The following ADAMTS19 variants were observed in gnomAD, a reference collection of about 807,000 sequenced individuals.
ADAMTS19 encodes the protein A disintegrin and metalloproteinase with thrombospondin motifs 19.
Under a neutral mutation model 153.3 loss-of-function variants are expected in ADAMTS19, and 93 were observed. The ratio of observed to expected loss-of-function variants is 0.61; its 90% CI spans 0.51 to 0.72. The LOEUF (loss-of-function observed/expected upper bound fraction) is 0.72, where lower values mean the gene tolerates loss of function less well. ADAMTS19 is among the 30% of genes least tolerant of loss of function. The pLI, the probability that ADAMTS19 is intolerant of heterozygous loss-of-function variation, is 0.00. For missense variants in ADAMTS19, 1,482 were observed against 1,552.1 expected, an observed-to-expected ratio of 0.95 and a Z score of 0.76; for synonymous variants, 600 against 556.6, an observed-to-expected ratio of 1.08 and a Z score of -1.10.
chr5:129,535,715 T>G (rs1752394570), intron 6 of ADAMTS19, among the ~76,000 whole-genome samples: 1 of 152,034 alleles, frequency 6.6e-6, no homozygotes, highest in Non-Finnish European at 1.5e-5. Flanking sequence ...GAAACAGAGA[T>G]ATAGACCAAT....
At chr5:129,538,912 A>C (rs1413819546) in intron 6 of ADAMTS19, among the ~76,000 whole-genome samples, 1 of 152,140 alleles carries the variant, frequency 6.6e-6, no homozygotes, top group African/African-American at 2.4e-5. Context: ...TAAAAGAAAC[A>C]CCTTAGTGTT....
intron 10 of ADAMTS19, among the ~76,000 whole-genome samples, chr5:129,622,804 C>G (rs963619223): frequency 3.9e-5 from 6 of 152,056 alleles, no homozygotes; most frequent in African/African-American, 1.4e-4. Context: ...TTTAAATCAT[C>G]CCTAGATTAC....
chr5:129,603,328 T>G (rs532801135), intron 8 of ADAMTS19, among the ~76,000 whole-genome samples: 2 of 152,334 alleles, frequency 1.3e-5, no homozygotes, highest in Admixed American at 1.3e-4. Context: ...TTTTTGTCCT[T>G]TTTGTGAAGC....
intron 14 of ADAMTS19, among the ~76,000 whole-genome samples, chr5:129,655,107 C>T (rs1753487471): frequency 6.6e-6 from 1 of 152,136 alleles, no homozygotes; most frequent in African/African-American, 2.4e-5. Context: ...TTAATATGCA[C>T]AAAGTTTAAT....
chr5:129,704,488 G>A, intron 21 of ADAMTS19, 97 bp downstream of exon 21: 3 of 1,405,726 alleles, frequency 2.1e-6, no homozygotes, highest in East Asian at 2.4e-5. Flanking sequence ...AGGAGGGAAG[G>A]AGAGTAGAAT....
rs191727217 is a variant in ADAMTS19 at position 129,665,702 on chromosome 5, T to C, written c.2506+123T>C. ...TTATGTTTGAACTTCCCAGGAACTATCTTTTGTCATATCAAGTAGGAAAAT... is the reference window on the plus strand; with the variant it reads ...TTATGTTTGAACTTCCCAGGAACTACCTTTTGTCATATCAAGTAGGAAAAT... On this transcript the variant is annotated intron_variant, in intron 16 of 22. Transcript: ENST00000274487. 51 of 709,834 alleles carry C rather than the reference T, an allele frequency of 7.2e-5. No homozygotes were observed. The East Asian group carries it at 1.7e-3, about 23-fold the overall frequency. The allele number at this position is 709,834 out of a possible 1,614,324, so 44.0% of individuals were successfully genotyped here.
chr5:129,622,186 G>T lies in ADAMTS19; in HGVS notation c.1620-12G>T. 6.2e-7 allele frequency: 1 copy of T among 1,613,944 alleles called. No individual in the cohort carries two copies. Among genetic ancestry groups the T allele is most frequent in the Non-Finnish European group, 8.5e-7 (1 of 1,179,912 alleles). ...TAAATTCAAAAGTTTACACATACCT[G>T]CCTATTGCCAGGTCAAAGGCCAGTA... On this transcript the variant is annotated splice_polypyrimidine_tract_variant and intron_variant, in intron 9 of 22. Transcript: ENST00000274487.
chr5:129,673,191 T>G (rs1754391091), intron 16 of ADAMTS19, among the ~76,000 whole-genome samples: 2 of 152,078 alleles, frequency 1.3e-5, no homozygotes, highest in Non-Finnish European at 2.9e-5. Context: ...CTTCTGCCCT[T>G]TATTAGTTTC....
At chr5:129,604,437 C>T (rs976503974) in intron 8 of ADAMTS19, among the ~76,000 whole-genome samples, 1 of 152,122 alleles carries the variant, frequency 6.6e-6, no homozygotes, top group Non-Finnish European at 1.5e-5. Context: ...TTAGTGGCAC[C>T]ACCTCCTTCG....
chr5:129,613,283 A>G (rs1751325615), intron 8 of ADAMTS19, among the ~76,000 whole-genome samples: 2 of 152,192 alleles, frequency 1.3e-5, no homozygotes, highest in African/African-American at 4.8e-5. Context: ...ACATATTTGG[A>G]AGTAAAGCAC....
intron 19 of ADAMTS19, among the ~76,000 whole-genome samples, 190 bp from the exon 20 acceptor site, chr5:129,701,198 G>A (rs1439161167): frequency 1.3e-5 from 2 of 150,702 alleles, no homozygotes; most frequent in Non-Finnish European, 3.0e-5. Context: ...GATGTGTCTT[G>A]CTCCTCCCTG....
At chr5:129,524,843 C>G (rs893856468) in intron 3 of ADAMTS19, among the ~76,000 whole-genome samples, 1 of 151,914 alleles carries the variant, frequency 6.6e-6, no homozygotes, top group African/African-American at 2.4e-5. Flanking sequence ...TTTCTCCTAC[C>G]CTAAGATATT....
chr5:129,533,354 G>A (rs1752283626), intron 6 of ADAMTS19, among the ~76,000 whole-genome samples: 1 of 152,106 alleles, frequency 6.6e-6, no homozygotes, highest in Non-Finnish European at 1.5e-5. Context: ...TTTAACTTGT[G>A]TATATTTTAT....
Position 129,737,247 on chromosome 5 carries a change from C to G in ADAMTS19, c.*29C>G. The G allele has an allele frequency of 1.3e-6, 2 of 1,545,580 alleles. No homozygotes were observed. Among genetic ancestry groups the G allele is most frequent in the Non-Finnish European group, 1.8e-6 (2 of 1,135,492 alleles). ...CTAGCAGGCTGGCTGGATCACAGCT[C>G]TTGGCAATTACATTATTTATAAACA... On this transcript the variant is annotated 3_prime_UTR_variant, in exon 23 of 23. Transcript: ENST00000274487.
At chr5:129,562,351 G>A (rs1022147941) in intron 7 of ADAMTS19, among the ~76,000 whole-genome samples, 8 of 152,174 alleles carry the variant, frequency 5.3e-5, no homozygotes, top group Non-Finnish European at 1.2e-4. Context: ...AAGTGAAATT[G>A]TCATGGTACC....
intron 7 of ADAMTS19, among the ~76,000 whole-genome samples, chr5:129,587,217 A>C (rs1298647713): frequency 1.3e-5 from 2 of 152,116 alleles, no homozygotes; most frequent in African/African-American, 2.4e-5. Context: ...ATAATCTACT[A>C]ATCTCAAATA....
intron 8 of ADAMTS19, among the ~76,000 whole-genome samples, chr5:129,603,004 C>A (rs1012378154): frequency 6.6e-6 from 1 of 151,730 alleles, no homozygotes; most frequent in African/African-American, 2.4e-5. Flanking sequence ...GGGATCTATG[C>A]CAGAATATAG....
chr5:129,523,451 A>G (rs1751895560), intron 3 of ADAMTS19, among the ~76,000 whole-genome samples: 1 of 152,220 alleles, frequency 6.6e-6, no homozygotes, highest in South Asian at 2.1e-4. Context: ...AGACATCAAC[A>G]GAATATGATA....
At chr5:129,511,507 T>C (rs937068155) in intron 3 of ADAMTS19, among the ~76,000 whole-genome samples, 1 of 151,746 alleles carries the variant, frequency 6.6e-6, no homozygotes, top group Admixed American at 6.6e-5. Flanking sequence ...CTTACAGGAA[T>C]GTGGAGATAA....
Sources: gnomAD v4.1 joint callset for allele counts (sites outside exome capture counted in the v4.1 genomes callset) on GRCh38, gnomAD v4.1.1 for gene constraint, MANE v1.5 for transcripts, NCBI Gene and HGNC (gene_info 2026-07-23, HGNC 2026-07-21) for gene names.